SLAMF9: variants seen among roughly 807,000 people sequenced by gnomAD.
The protein encoded by SLAMF9 is SLAM family member 9, also known as CD2 family member 10.
Under a neutral mutation model 30.4 loss-of-function variants are expected in SLAMF9, and 25 were observed. The observed-to-expected ratio is 0.82, with a 90% CI of 0.60 to 1.15. SLAMF9 has a LOEUF of 1.15. Ranked by LOEUF, SLAMF9 falls within the 50% of genes most tolerant of loss-of-function variation. The probability of loss-of-function intolerance (pLI) is 0.00; values close to 1 mark genes in which losing one functional copy is unlikely to be tolerated. For missense variants in SLAMF9, 344 were observed against 346.1 expected (o/e 0.99, Z 0.05); for synonymous variants, 129 against 127.2 (o/e 1.01, Z -0.09).
chr1:159,974,119 C>G, the SLAMF9 span: 4 of 1,304,940 alleles, frequency 3.1e-6, no homozygotes, highest in Non-Finnish European at 4.4e-6. Context: ...TCAGTCACTT[C>G]TCTCCCTCTG....
At chr1:159,983,191 C>A in the SLAMF9 span, 1 of 152,196 alleles carries the variant, frequency 6.6e-6, no homozygotes, top group African/African-American at 2.4e-5. Flanking sequence ...GGTTTAAGGC[C>A]AATTAGCAAC....
At chr1:159,978,053 G>A in the SLAMF9 span, among the ~76,000 whole-genome samples, 8 of 152,034 alleles carry the variant, frequency 5.3e-5, no homozygotes, top group Non-Finnish European at 8.8e-5. Context: ...AAAACTGCCA[G>A]CCCCCACCAC....
the SLAMF9 span, among the ~76,000 whole-genome samples, chr1:159,982,624 C>T: frequency 3.5e-4 from 53 of 152,282 alleles, no homozygotes; most frequent in East Asian, 2.7e-3. Flanking sequence ...TTAGGGAAGC[C>T]TTTAGGGTAG....
chr1:159,968,509 C>T, the SLAMF9 span, among the ~76,000 whole-genome samples: 3 of 152,140 alleles, frequency 2.0e-5, no homozygotes, highest in African/African-American at 7.2e-5. Flanking sequence ...CCCCAAATAC[C>T]CTGCCAGTTA....
chr1:159,982,959 G>C, the SLAMF9 span: 1 of 152,256 alleles, frequency 6.6e-6, no homozygotes, highest in Non-Finnish European at 1.5e-5. Flanking sequence ...AACCCGGGAG[G>C]CAGAGGTTGC....
the SLAMF9 span, among the ~76,000 whole-genome samples, chr1:159,971,401 C>T: frequency 6.6e-6 from 1 of 152,120 alleles, no homozygotes; most frequent in Admixed American, 6.6e-5. Context: ...ACAAACCAAC[C>T]AATCAAACTG....
chr1:159,975,341 T>C, the SLAMF9 span, among the ~76,000 whole-genome samples: 1 of 151,952 alleles, frequency 6.6e-6, no homozygotes, highest in Non-Finnish European at 1.5e-5. Flanking sequence ...AGAGGTGAGA[T>C]TGCTTTGACC....
At chr1:159,973,270 G>A in the SLAMF9 span, 3 of 765,908 alleles carry the variant, frequency 3.9e-6, no homozygotes, top group African/African-American at 1.7e-5. Flanking sequence ...AGTACAGGAG[G>A]TGGGAACTGC....
chr1:159,976,522 T>G, the SLAMF9 span: 2 of 152,218 alleles, frequency 1.3e-5, no homozygotes, highest in Non-Finnish European at 2.9e-5. Flanking sequence ...GAGAAACAAT[T>G]TTCACAATGT....
upstream of SLAMF9, among the ~76,000 whole-genome samples, chr1:159,954,470 C>T (rs1651880879): frequency 6.6e-6 from 1 of 152,190 alleles, no homozygotes; most frequent in Non-Finnish European, 1.5e-5. Context: ...CCCGCACGTA[C>T]TGCATGCCCC....
the SLAMF9 span, among the ~76,000 whole-genome samples, chr1:159,970,278 A>G: frequency 6.6e-6 from 1 of 152,212 alleles, no homozygotes; most frequent in African/African-American, 2.4e-5. Context: ...ATATGAGGAT[A>G]GTGCAGACTT....
At chr1:159,974,550 T>C in the SLAMF9 span, among the ~76,000 whole-genome samples, 2 of 152,200 alleles carry the variant, frequency 1.3e-5, no homozygotes, top group Admixed American at 1.3e-4. Context: ...GAGCCTGATC[T>C]GGCTCGCTCC....
At chr1:159,956,243 A>T (rs1247703283), upstream of SLAMF9, among the ~76,000 whole-genome samples, 1 of 152,234 alleles carries the variant, frequency 6.6e-6, no homozygotes. Context: ...AGGCAGGAAG[A>T]TCCCTTGAGG....
the SLAMF9 span, among the ~76,000 whole-genome samples, chr1:159,967,722 C>T: frequency 6.6e-6 from 1 of 152,126 alleles, no homozygotes; most frequent in African/African-American, 2.4e-5. Flanking sequence ...ATTAACTTTT[C>T]CAATCCATGA....
chr1:159,966,877 G>A, the SLAMF9 span, among the ~76,000 whole-genome samples: 5 of 152,066 alleles, frequency 3.3e-5, no homozygotes, highest in Admixed American at 1.3e-4. Context: ...CTTATCAGAT[G>A]TATAGTTTGA....
At chr1:159,979,611 A>G in the SLAMF9 span, among the ~76,000 whole-genome samples, 1 of 152,280 alleles carries the variant, frequency 6.6e-6, no homozygotes, top group South Asian at 2.1e-4. Context: ...AGAGATCTTC[A>G]TGAGACTCTT....
the SLAMF9 span, chr1:159,974,089 C>G: frequency 6.5e-7 from 1 of 1,529,736 alleles, no homozygotes; most frequent in Non-Finnish European, 9.0e-7. Context: ...AACAGGGCAG[C>G]CCTGGAGCTG....
intron 1 of SLAMF9, 138 bp from the exon 2 acceptor site, chr1:159,953,791 G>T: frequency 1.2e-6 from 1 of 801,606 alleles, no homozygotes; most frequent in Non-Finnish European, 1.9e-6. Flanking sequence ...TTCTCCAGCT[G>T]CTGCTTCTGA....
upstream of SLAMF9, among the ~76,000 whole-genome samples, chr1:159,958,324 A>G (rs139133874): frequency 4.6e-5 from 7 of 152,210 alleles, no homozygotes; most frequent in South Asian, 2.1e-4. Context: ...ACCTGTCTCC[A>G]TAAGTAGGCA....
Sources: allele counts gnomAD v4.1 joint callset (sites outside exome capture counted in the v4.1 genomes callset), GRCh38; gene constraint gnomAD v4.1.1; transcripts MANE v1.5; gene names NCBI Gene and HGNC (gene_info 2026-07-23, HGNC 2026-07-21).